The following ERI1 variants were observed in gnomAD, a reference collection of about 807,000 sequenced individuals.
ERI1 encodes the protein exoribonuclease 1.
ERI1 carries 39 observed loss-of-function variants against 39.7 expected under a neutral mutation model. That is an observed-to-expected ratio of 0.98 (90% CI 0.76 to 1.28). The LOEUF (loss-of-function observed/expected upper bound fraction) is 1.28, where lower values mean the gene tolerates loss of function less well. Among genes scored for constraint, ERI1 ranks in the 50% most tolerant of loss-of-function variants. ERI1 has a pLI of 0.00. For synonymous variants in ERI1, 204 were observed against 149.6 expected, an observed-to-expected ratio of 1.36 and a Z score of -2.65; for missense variants, 581 against 416.9, an observed-to-expected ratio of 1.39 and a Z score of -3.43.
intron 3 of ERI1, among the ~76,000 whole-genome samples, chr8:9,097,081 C>G (rs1799900719): frequency 6.6e-6 from 1 of 152,124 alleles, no homozygotes; most frequent in Non-Finnish European, 1.5e-5. Context: ...CCCGCTTCCT[C>G]TGGAAGTCCC....
At chr8:9,099,957 A>G (rs757648463) in intron 3 of ERI1, 1 of 152,146 alleles carries the variant, frequency 6.6e-6, no homozygotes, top group African/African-American at 2.4e-5. Context: ...GTAGAACCAC[A>G]TCGATGAAGA....
intron 3 of ERI1, among the ~76,000 whole-genome samples, chr8:9,059,811 G>A (rs1160751099): frequency 3.9e-5 from 6 of 152,190 alleles, no homozygotes; most frequent in Non-Finnish European, 7.3e-5. Flanking sequence ...GTAAACAAGA[G>A]CAGGGCATGT....
At chr8:9,070,886 G>A (rs537030635) in intron 3 of ERI1, among the ~76,000 whole-genome samples, 4 of 152,122 alleles carry the variant, frequency 2.6e-5, no homozygotes, top group East Asian at 1.9e-4. Flanking sequence ...GTGCAGGGCC[G>A]GGCAGGGAAT....
intron 6 of ERI1, among the ~76,000 whole-genome samples, chr8:9,020,808 A>T (rs1428472829): frequency 1.3e-5 from 2 of 152,176 alleles, no homozygotes; most frequent in African/African-American, 4.8e-5. Flanking sequence ...AAATGTTTAA[A>T]ATATTATTGC....
In ERI1 at chr8:9,032,164, C is replaced by CT. The variant is rs1366252619; in HGVS notation, c.*2131dup. On this transcript the variant is annotated 3_prime_UTR_variant, in exon 7 of 7. Transcript: ENST00000250263. ...AACATTGAGAGTACTGCTTTTTACT[C>CT]TGACTTTTATTGTGTTGTCTTTGAA... The CT allele has an allele frequency of 2.6e-5, 4 of 152,216 alleles. No homozygotes were observed. Among genetic ancestry groups the CT allele is most frequent in the Middle Eastern group, 3.2e-3 (1 of 316 alleles). 9.4% of individuals were successfully genotyped at this position (152,216 alleles called of 1,614,324 possible).
chr8:9,058,101 C>A (rs1798568759), intron 3 of ERI1, among the ~76,000 whole-genome samples: 1 of 152,184 alleles, frequency 6.6e-6, no homozygotes, highest in South Asian at 2.1e-4. Context: ...TGGCTGGCTG[C>A]TGCATTCAAA....
At chr8:9,081,128 A>T (rs1309557053) in intron 3 of ERI1, among the ~76,000 whole-genome samples, 4 of 152,224 alleles carry the variant, frequency 2.6e-5, no homozygotes, top group African/African-American at 9.7e-5. Flanking sequence ...GTCATTTATA[A>T]AGACCATCAG....
intron 3 of ERI1, among the ~76,000 whole-genome samples, chr8:9,042,504 G>C (rs1798058516): frequency 6.6e-6 from 1 of 152,122 alleles, no homozygotes; most frequent in African/African-American, 2.4e-5. Context: ...CTCAAGTCAG[G>C]GAACACCCTC....
chr8:9,071,439 C>T (rs143763359), intron 3 of ERI1, among the ~76,000 whole-genome samples: 3 of 152,308 alleles, frequency 2.0e-5, no homozygotes, highest in African/African-American at 7.2e-5. Context: ...ATTTAAGTTT[C>T]TAGTAATGCC....
rs928036003 is a variant in ERI1 at position 9,004,218 on chromosome 8, G to A, written c.108+1047G>A. The A allele has an allele frequency of 1.7e-5, 21 of 1,270,754 alleles. No homozygotes were observed. In the African/African-American group the frequency reaches 2.5e-4, roughly 15 times the overall value. 78.7% of individuals were successfully genotyped at this position (1,270,754 alleles called of 1,614,324 possible). On this transcript the variant is annotated intron_variant, in intron 1 of 6. Transcript: ENST00000250263. Reference sequence around the variant, plus strand: ...AAGGTTGTTATTTCAAAGAGTACTTGCACATCCCTTCTCTTGTAAAGAACC... The same window carrying A: ...AAGGTTGTTATTTCAAAGAGTACTTACACATCCCTTCTCTTGTAAAGAACC...
chr8:9,003,878 T>C (rs1815653345), intron 1 of ERI1, among the ~76,000 whole-genome samples: 1 of 152,232 alleles, frequency 6.6e-6, no homozygotes, highest in African/African-American at 2.4e-5. Flanking sequence ...ATAAAGTGCG[T>C]ATTTGCAAGA....
chr8:9,014,920 C>T lies in ERI1; in HGVS notation c.499-1402C>T, dbSNP rs28550340. Among the ~76,000 whole-genome samples the T allele has an allele frequency of 7.9e-3, 1,206 of 152,264 alleles. 16 individuals are homozygous for T. Among genetic ancestry groups the T allele is most frequent in the African/African-American group, 0.028 (1,159 of 41,542 alleles). ...TGGCTCAATCTCGGCTCACTGCAAC[C>T]TCTGCCTCCTGGGTTCAAGCGATTA... On this transcript the variant is annotated intron_variant, in intron 3 of 6. Coordinates refer to ENST00000250263, the MANE Select transcript of ERI1 (RefSeq NM_153332.4).
At position 9,043,669 on chromosome 8, in the gene ERI1, A is replaced by G. The variant is rs1027406044; in HGVS notation, n.299+23205A>G. ...AATTTTGGAAGCTTTTTTAAAGTTC[A>G]GTCCAGTGACACACTATCCATAATT... On this transcript the variant is annotated intron_variant and non_coding_transcript_variant, in intron 3 of 3. Coordinates refer to the ERI1 transcript ENST00000518663. Among the ~76,000 whole-genome samples the G allele has an allele frequency of 3.9e-5, 6 of 152,348 alleles. No homozygotes were observed. In the East Asian group the frequency reaches 9.6e-4, roughly 24 times the overall value.
intron 1 of ERI1, among the ~76,000 whole-genome samples, chr8:9,004,678 A>T (rs1461308067): frequency 6.8e-6 from 1 of 147,968 alleles, no homozygotes; most frequent in Non-Finnish European, 1.5e-5. Context: ...AATAATAGTA[A>T]TGATACTTTT....
At chr8:9,072,168 G>T (rs556987318) in intron 3 of ERI1, among the ~76,000 whole-genome samples, 1 of 152,124 alleles carries the variant, frequency 6.6e-6, no homozygotes, top group Non-Finnish European at 1.5e-5. Context: ...TTTCCCTAAC[G>T]TTTGACAATA....
intron 3 of ERI1, among the ~76,000 whole-genome samples, chr8:9,080,309 G>C (rs1474166563): frequency 6.6e-6 from 1 of 152,224 alleles, no homozygotes; most frequent in Non-Finnish European, 1.5e-5. Flanking sequence ...CAAGTAGCCT[G>C]ACTAGATGTG....
At chr8:9,025,049 G>T (rs942230012) in intron 6 of ERI1, among the ~76,000 whole-genome samples, 1 of 152,166 alleles carries the variant, frequency 6.6e-6, no homozygotes. Context: ...TTTTCTGGGG[G>T]TAGAGCGTTA....
Position 9,008,025 on chromosome 8 carries a change from C to A in ERI1, c.164C>A (p.Thr55Asn). The A allele has an allele frequency of 1.3e-6, 2 of 1,580,832 alleles. No individual in the cohort carries two copies. The highest frequency in any genetic ancestry group is 1.7e-4 in the Middle Eastern group (1 of 5,898). The change falls in exon 2 of 7, where the codon ACC becomes AAC. Residue 55 changes from threonine to asparagine, a missense_variant. By Grantham distance (65) the Thr-to-Asn change is moderately conservative. Transcript: ENST00000250263. ...GQETKGSKFITSSASDFSDPV... is the reference protein window; with the variant it reads ...GQETKGSKFINSSASDFSDPV... ...GAGACAAAAGGATCCAAGTTCATTA[C>A]CTCCAGTGCGAGTGACTTCAGTGAC...
At chr8:9,088,861 A>G (rs1563098655) in intron 3 of ERI1, among the ~76,000 whole-genome samples, 1 of 152,200 alleles carries the variant, frequency 6.6e-6, no homozygotes, top group Non-Finnish European at 1.5e-5. Flanking sequence ...TCTCTGCAGA[A>G]CAGGCCAAAC....
Sources: gnomAD v4.1 joint callset for allele counts (sites outside exome capture counted in the v4.1 genomes callset) on GRCh38, gnomAD v4.1.1 for gene constraint, MANE v1.5 for transcripts, NCBI Gene and HGNC (gene_info 2026-07-23, HGNC 2026-07-21) for gene names.